TBL1XR1: variants seen among roughly 807,000 people sequenced by gnomAD.
TBL1XR1 encodes F-box-like/WD repeat-containing protein TBL1XR1.
Under a neutral mutation model 66.9 loss-of-function variants are expected in TBL1XR1, and 5 were observed. The observed-to-expected ratio is 0.07, with a 90% CI of 0.04 to 0.16. The LOEUF is 0.16. TBL1XR1 is among the 10% of genes least tolerant of loss of function. The pLI, the probability that TBL1XR1 is intolerant of heterozygous loss-of-function variation, is 1.00. For missense variants in TBL1XR1, 238 were observed against 623.2 expected (o/e 0.38, Z 6.58); for synonymous variants, 210 against 206.0 (o/e 1.02, Z -0.17).
At chr3:177,047,094 A>G (rs1460104560) in intron 9 of TBL1XR1, among the ~76,000 whole-genome samples, 1 of 152,192 alleles carries the variant, frequency 6.6e-6, no homozygotes, top group African/African-American at 2.4e-5. Flanking sequence ...GGTAAAATTA[A>G]AAGTGTTCAC....
intron 3 of TBL1XR1, among the ~76,000 whole-genome samples, chr3:177,062,388 C>CT (rs1468131248): frequency 1.3e-5 from 2 of 152,196 alleles, no homozygotes; most frequent in African/African-American, 4.8e-5. Flanking sequence ...AAAGAATCAC[C>CT]TGGGGCATTT....
At chr3:177,084,105 A>AAAG (rs1721823877) in intron 2 of TBL1XR1, among the ~76,000 whole-genome samples, 1 of 151,720 alleles carries the variant, frequency 6.6e-6, no homozygotes, top group African/African-American at 2.4e-5. Context: ...AAAAAAAAGA[A>AAAG]AAAAGAAAAG....
rs764951521 is a variant in TBL1XR1 at position 177,071,031 on chromosome 3, G to GTTTTTTTTTTTTTTTTT, written c.-45-6026_-45-6010dup. On this transcript the variant is annotated intron_variant, in intron 2 of 15. Transcript: ENST00000457928. ...TGGAACAGACATGTTCTGAGAATCT[G>GTTTTTTTTTTTTTTTTT]TTTTTTTTTTTTTTTTTGAGACAGA... Among the ~76,000 whole-genome samples the GTTTTTTTTTTTTTTTTT allele has an allele frequency of 3.8e-4, 40 of 104,670 alleles. 1 individual carries two copies. Among genetic ancestry groups the GTTTTTTTTTTTTTTTTT allele is most frequent in the Middle Eastern group, 5.7e-3 (1 of 176 alleles). 68.7% of individuals were successfully genotyped at this position (104,670 alleles called of 152,430 possible).
intron 7 of TBL1XR1, chr3:177,048,009 G>A (rs1322424666): frequency 3.2e-5 from 5 of 155,938 alleles, no homozygotes; most frequent in Admixed American, 3.1e-4. Context: ...AAGTGTGTGG[G>A]TATGATCCAA....
intron 1 of TBL1XR1, among the ~76,000 whole-genome samples, chr3:177,157,477 C>T (rs1731656552): frequency 6.6e-6 from 1 of 152,138 alleles, no homozygotes; most frequent in African/African-American, 2.4e-5. Context: ...CTGAATTTAA[C>T]ATAAAGAAAT....
At chr3:177,108,769 G>A (rs1254482128) in intron 1 of TBL1XR1, among the ~76,000 whole-genome samples, 4 of 152,100 alleles carry the variant, frequency 2.6e-5, no homozygotes, top group African/African-American at 4.8e-5. Context: ...TTTTATTAAT[G>A]CAAACAACAA....
chr3:177,070,404 G>A (rs1266465516), intron 2 of TBL1XR1, among the ~76,000 whole-genome samples: 1 of 152,012 alleles, frequency 6.6e-6, no homozygotes, highest in Admixed American at 6.6e-5. Context: ...TATCAACAGG[G>A]GAACAAAGAA....
intron 1 of TBL1XR1, among the ~76,000 whole-genome samples, chr3:177,151,587 C>A (rs1355649375): frequency 6.6e-6 from 1 of 152,126 alleles, no homozygotes; most frequent in Non-Finnish European, 1.5e-5. Flanking sequence ...TAAAACTGGT[C>A]CCTGGTGCCA....
intron 1 of TBL1XR1, among the ~76,000 whole-genome samples, chr3:177,151,914 C>T (rs1239746450): frequency 6.6e-6 from 1 of 152,106 alleles, no homozygotes; most frequent in Non-Finnish European, 1.5e-5. Context: ...ATCCCAGCTA[C>T]TCAGGAGGCT....
intron 1 of TBL1XR1, among the ~76,000 whole-genome samples, chr3:177,143,983 G>A (rs939445985): frequency 6.6e-6 from 1 of 152,196 alleles, no homozygotes; most frequent in Non-Finnish European, 1.5e-5. Flanking sequence ...CGGGCATGGT[G>A]GCTCATGCCT....
chr3:177,088,196 C>T (rs1180989895), intron 2 of TBL1XR1, among the ~76,000 whole-genome samples: 1 of 152,068 alleles, frequency 6.6e-6, no homozygotes, highest in Non-Finnish European at 1.5e-5. Flanking sequence ...ATAAATTGAG[C>T]ACCCCAATCT....
chr3:177,107,825 C>T (rs759107045), intron 1 of TBL1XR1, among the ~76,000 whole-genome samples: 1 of 152,176 alleles, frequency 6.6e-6, no homozygotes, highest in Non-Finnish European at 1.5e-5. Context: ...TATCTGAATA[C>T]AACTACTCCA....
At chr3:177,055,096 CA>C (rs1371461243) in intron 3 of TBL1XR1, among the ~76,000 whole-genome samples, 2 of 151,990 alleles carry the variant, frequency 1.3e-5, no homozygotes, top group African/African-American at 4.8e-5. Flanking sequence ...GAAATAAATA[CA>C]GGCTTATTTT....
chr3:177,064,624 A>G (rs950753331), intron 3 of TBL1XR1, among the ~76,000 whole-genome samples: 3 of 152,228 alleles, frequency 2.0e-5, no homozygotes, highest in Non-Finnish European at 4.4e-5. Flanking sequence ...GATGGTGGCT[A>G]AAAGTTTTTA....
upstream of TBL1XR1, among the ~76,000 whole-genome samples, chr3:177,201,126 T>C (rs1737331623): frequency 6.6e-6 from 1 of 152,008 alleles, no homozygotes; most frequent in African/African-American, 2.4e-5. Context: ...AATCCTGACT[T>C]GTTTTGCCGG....
intron 1 of TBL1XR1, among the ~76,000 whole-genome samples, chr3:177,160,328 G>A (rs940680307): frequency 6.6e-6 from 1 of 151,970 alleles, no homozygotes; most frequent in African/African-American, 2.4e-5. Context: ...CAAAAAATTA[G>A]CTGGGCGTGG....
chr3:177,034,406 T>C, intron 12 of TBL1XR1, 81 bp from the exon 13 acceptor site: 2 of 1,040,540 alleles, frequency 1.9e-6, no homozygotes, highest in Non-Finnish European at 2.6e-6. Flanking sequence ...ACTTAAAATA[T>C]TATATGGACA....
intron 3 of TBL1XR1, among the ~76,000 whole-genome samples, chr3:177,059,778 G>A (rs1718274372): frequency 6.6e-6 from 1 of 152,158 alleles, no homozygotes; most frequent in South Asian, 2.1e-4. Context: ...GTATGCCAAA[G>A]GAGATTAACA....
At chr3:177,059,211 C>T (rs1718195980) in intron 3 of TBL1XR1, among the ~76,000 whole-genome samples, 1 of 152,172 alleles carries the variant, frequency 6.6e-6, no homozygotes, top group Admixed American at 6.5e-5. Flanking sequence ...CCATCGAATA[C>T]ACTGGTAATG....
Sources: gnomAD v4.1 joint callset for allele counts (sites outside exome capture counted in the v4.1 genomes callset) on GRCh38, gnomAD v4.1.1 for gene constraint, MANE v1.5 for transcripts, NCBI Gene and HGNC (gene_info 2026-07-23, HGNC 2026-07-21) for gene names.